ANO4: variants seen among roughly 807,000 people sequenced by gnomAD.
ANO4 encodes anoctamin 4, also known as anoctamin-4.
ANO4 carries 69 observed loss-of-function variants against 141.9 expected under a neutral mutation model. That is an observed-to-expected ratio of 0.49 (90% CI 0.40 to 0.59). The LOEUF is 0.59. ANO4 is among the 20% of genes least tolerant of loss of function. ANO4 has a pLI of 0.00. For missense variants in ANO4, 894 were observed against 1,162.2 expected, an observed-to-expected ratio of 0.77 and a Z score of 3.36; for synonymous variants, 350 against 394.3, an observed-to-expected ratio of 0.89 and a Z score of 1.33.
chr12:100,962,547 G>C (rs575062839), intron 5 of ANO4, among the ~76,000 whole-genome samples: 2 of 152,252 alleles, frequency 1.3e-5, no homozygotes, highest in South Asian at 2.1e-4. Context: ...TCCCTCCAAG[G>C]CCACCCCAGG....
chr12:101,040,173 A>C, intron 11 of ANO4, 97 bp downstream of exon 11: 1 of 1,454,950 alleles, frequency 6.9e-7, no homozygotes, highest in South Asian at 1.5e-5. Context: ...AAAGAGCCTG[A>C]AGTGTACAGC....
At chr12:101,064,578 T>C (rs2136754294) in intron 14 of ANO4, among the ~76,000 whole-genome samples, 1 of 151,902 alleles carries the variant, frequency 6.6e-6, no homozygotes, top group East Asian at 1.9e-4. Context: ...TGATGGGTTA[T>C]TGGGTGCAAC....
chr12:101,099,667 A>G lies in ANO4; in HGVS notation c.2096A>G (p.Tyr699Cys), dbSNP rs1305367462. Residue 699 changes from tyrosine (Y) to cysteine (C), a missense_variant, in exon 22 of 28, where the codon TAT becomes TGT. Coordinates refer to ENST00000392977, the MANE Select transcript of ANO4 (RefSeq NM_001286615.2). ...AGTTTCCCACAATGGGAAAAGGACT[A>G]TAACCTTCAGCCGATGAATGCCTAT... is the stretch of plus-strand genomic sequence containing the variant. ...KISFPQWEKD[Y>C]NLQPMNAYGL... 3.7e-6 allele frequency: 6 copies of G among 1,611,118 alleles called. No individual in the cohort carries two copies. Among genetic ancestry groups the G allele is most frequent in the Admixed American group, 3.4e-5 (2 of 59,310 alleles).
chr12:100,826,830 T>A (rs2036371662), intron 1 of ANO4, among the ~76,000 whole-genome samples: 1 of 152,050 alleles, frequency 6.6e-6, no homozygotes, highest in Admixed American at 6.6e-5. Context: ...TTACTGAGGC[T>A]GAAATCTTCT....
chr12:100,927,052 T>G (rs2041904562), intron 3 of ANO4, among the ~76,000 whole-genome samples: 1 of 152,112 alleles, frequency 6.6e-6, no homozygotes. Flanking sequence ...GTGTGGTAGG[T>G]GCTTACTAAT....
At chr12:100,756,690 A>G (rs968408265) in intron 3 of ANO4, among the ~76,000 whole-genome samples, 2 of 151,992 alleles carry the variant, frequency 1.3e-5, no homozygotes, top group African/African-American at 4.8e-5. Flanking sequence ...TCTTTGGTGG[A>G]TATTTCAACT....
intron 3 of ANO4, among the ~76,000 whole-genome samples, chr12:100,784,000 G>C (rs959647306): frequency 3.9e-5 from 6 of 151,976 alleles, no homozygotes; most frequent in East Asian, 2.0e-4. Context: ...ACACTCCATG[G>C]CTCCATCTAG....
intron 14 of ANO4, chr12:101,066,927 T>G: frequency 3.8e-6 from 3 of 799,334 alleles, no homozygotes; most frequent in Non-Finnish European, 6.8e-6. Flanking sequence ...GAGTTTTCTG[T>G]TACAAGGCAA....
chr12:101,065,457 T>A (rs896618766), intron 14 of ANO4, among the ~76,000 whole-genome samples: 4 of 152,156 alleles, frequency 2.6e-5, no homozygotes, highest in African/African-American at 9.7e-5. Context: ...GAAATTCAAA[T>A]AATTATTAGA....
At chr12:100,937,199 A>G (rs995149835) in intron 3 of ANO4, among the ~76,000 whole-genome samples, 5 of 152,172 alleles carry the variant, frequency 3.3e-5, no homozygotes, top group African/African-American at 1.2e-4. Flanking sequence ...CTGTCATTTA[A>G]CAAATATGTG....
chr12:100,794,098 T>G (rs1638240065), upstream of ANO4, among the ~76,000 whole-genome samples: 1 of 152,208 alleles, frequency 6.6e-6, no homozygotes, highest in South Asian at 2.1e-4. Context: ...ACAAGAAAAC[T>G]AATGAAGATT....
chr12:100,982,259 A>C (rs938049749), intron 7 of ANO4, among the ~76,000 whole-genome samples: 2 of 152,168 alleles, frequency 1.3e-5, no homozygotes, highest in African/African-American at 4.8e-5. Context: ...AACATACCCA[A>C]CCAAAATCAA....
intron 22 of ANO4, among the ~76,000 whole-genome samples, chr12:101,105,335 T>C (rs1385743719): frequency 6.6e-6 from 1 of 152,236 alleles, no homozygotes; most frequent in Admixed American, 6.5e-5. Context: ...GTATCACAAA[T>C]TTGTTCCTAA....
intron 1 of ANO4, among the ~76,000 whole-genome samples, chr12:100,867,119 C>G (rs1358503604): frequency 6.6e-6 from 1 of 152,248 alleles, no homozygotes; most frequent in South Asian, 2.1e-4. Context: ...TAGCTACATA[C>G]CAGGCACCAC....
In ANO4 at chr12:100,942,374, C is replaced by A. The variant is rs2136178230; in HGVS notation, c.298-3C>A. On this transcript the variant is annotated splice_polypyrimidine_tract_variant and splice_region_variant and intron_variant, in intron 4 of 27. Transcript: ENST00000392977. ...AAACTGGTCCCTTTCTCTTTGTGTG[C>A]AGACAGTGCCAGAAAGAAACAAATC... is the stretch of plus-strand genomic sequence containing the variant. The A allele has an allele frequency of 6.2e-7, 1 of 1,612,448 alleles. No homozygotes were observed. The highest frequency in any genetic ancestry group is 8.5e-7 in the Non-Finnish European group (1 of 1,179,412).
At chr12:100,956,279 T>C (rs1159417833) in intron 5 of ANO4, among the ~76,000 whole-genome samples, 1 of 152,222 alleles carries the variant, frequency 6.6e-6, no homozygotes, top group Non-Finnish European at 1.5e-5. Flanking sequence ...AAGATCATGA[T>C]GGTCTTCGAA....
chr12:100,941,214 GT>G (rs1286210973), intron 4 of ANO4, among the ~76,000 whole-genome samples: 1 of 149,118 alleles, frequency 6.7e-6, no homozygotes, highest in East Asian at 1.9e-4. Flanking sequence ...CTTGTTGTGG[GT>G]AAAAAAAAAA....
chr12:100,806,098 G>A (rs1295395774), intron 1 of ANO4, among the ~76,000 whole-genome samples: 1 of 152,198 alleles, frequency 6.6e-6, no homozygotes, highest in African/African-American at 2.4e-5. Context: ...GTTTCCTGGA[G>A]GGAATAGCCA....
At chr12:100,717,368 G>A (rs2030642093), upstream of ANO4, among the ~76,000 whole-genome samples, 1 of 151,470 alleles carries the variant, frequency 6.6e-6, no homozygotes, top group Non-Finnish European at 1.5e-5. Context: ...CTCTAGGGGC[G>A]AGCGCGGCGC....
Sources: allele counts gnomAD v4.1 joint callset (sites outside exome capture counted in the v4.1 genomes callset), GRCh38; gene constraint gnomAD v4.1.1; transcripts MANE v1.5; gene names NCBI Gene and HGNC (gene_info 2026-07-23, HGNC 2026-07-21).